THSD7B: variants seen among roughly 807,000 people sequenced by gnomAD.
THSD7B encodes thrombospondin type-1 domain-containing protein 7B.
In THSD7B, 138 loss-of-function variants were observed where a neutral mutation model predicts 213.6. That is an observed-to-expected ratio of 0.65 (90% CI 0.56 to 0.74). The LOEUF (loss-of-function observed/expected upper bound fraction) is 0.74, where lower values mean the gene tolerates loss of function less well. Among genes scored for constraint, THSD7B ranks in the 30% least tolerant of loss-of-function variants. The probability of loss-of-function intolerance (pLI) is 0.00; values close to 1 mark genes in which losing one functional copy is unlikely to be tolerated. For missense variants in THSD7B, 1,931 were observed against 1,991.5 expected (o/e 0.97, Z 0.58); for synonymous variants, 742 against 687.0 (o/e 1.08, Z -1.25).
intron 12 of THSD7B, among the ~76,000 whole-genome samples, chr2:137,311,634 C>T (rs920840969): frequency 2.0e-5 from 3 of 152,176 alleles, no homozygotes; most frequent in Admixed American, 2.0e-4. Flanking sequence ...ATGATGTTGG[C>T]TGTGGGTTTG....
At chr2:137,454,468 A>G (rs1009326921) in intron 15 of THSD7B, among the ~76,000 whole-genome samples, 2 of 148,652 alleles carry the variant, frequency 1.3e-5, no homozygotes, top group South Asian at 2.1e-4. Flanking sequence ...CTATCTATCT[A>G]TCTATCTATG....
rs145077481 is a variant in THSD7B, at chr2:137,562,075, T to C, written c.3139-1146T>C. On this transcript the variant is annotated intron_variant, in intron 15 of 27. Transcript: ENST00000409968. ...ACCTAACATGCTGACAGTGCTCCAA[T>C]CTTGTTTCTTGATTATCCTATTACA... is the stretch of plus-strand genomic sequence containing the variant. 2.3e-3 allele frequency among the ~76,000 whole-genome samples: 349 copies of C among 152,274 alleles called. 3 individuals carry two copies. The highest frequency in any genetic ancestry group is 7.1e-3 in the African/African-American group (297 of 41,578).
rs116214515 is a variant in THSD7B at position 136,916,912 on chromosome 2, A to C, written c.139+34595A>C. Among the ~76,000 whole-genome samples the C allele has an allele frequency of 8.0e-3, 1,219 of 152,314 alleles. 20 individuals carry two copies. The highest frequency in any genetic ancestry group is 0.028 in the African/African-American group (1,165 of 41,560). ...TAGTCTTGGCATTGAACTTCTTTGA[A>C]TAGACCTCTGGATCCTATTTCTAAA... On this transcript the variant is annotated intron_variant, in intron 2 of 27. Transcript: ENST00000409968.
At chr2:137,300,400 A>G (rs1683571595) in intron 12 of THSD7B, among the ~76,000 whole-genome samples, 1 of 152,114 alleles carries the variant, frequency 6.6e-6, no homozygotes, top group Non-Finnish European at 1.5e-5. Flanking sequence ...TTTGAATGAT[A>G]ATTGTATGAT....
intron 5 of THSD7B, among the ~76,000 whole-genome samples, chr2:137,119,058 G>A (rs1018359939): frequency 6.6e-6 from 1 of 152,108 alleles, no homozygotes; most frequent in Non-Finnish European, 1.5e-5. Flanking sequence ...AATTATGGGA[G>A]GTATAATTCA....
intron 12 of THSD7B, among the ~76,000 whole-genome samples, chr2:137,284,913 G>T (rs1683131861): frequency 1.3e-5 from 2 of 152,086 alleles, no homozygotes; most frequent in Non-Finnish European, 2.9e-5. Flanking sequence ...ATGTCTATTA[G>T]GTCCACTTTG....
intron 3 of THSD7B, among the ~76,000 whole-genome samples, chr2:137,092,508 A>G (rs1173062456): frequency 6.6e-6 from 1 of 152,180 alleles, no homozygotes; most frequent in Non-Finnish European, 1.5e-5. Flanking sequence ...TCAATGGCTT[A>G]ATGGGGGGTA....
rs1268161562 is a variant in THSD7B at position 136,925,105 on chromosome 2, AT to A, written c.139+42789del. ...ATCTTTAGGCTTTTCCACACACACA[AT>A]GAGGTCATCTACAAGCAGAAATAAT... On this transcript the variant is annotated intron_variant, in intron 2 of 27. Coordinates refer to ENST00000409968, the MANE Select transcript of THSD7B (RefSeq NM_001316349.2). 2.0e-5 allele frequency among the ~76,000 whole-genome samples: 3 copies of A among 152,114 alleles called. 1 individual carries two copies. Among genetic ancestry groups the A allele is most frequent in the African/African-American group, 4.8e-5 (2 of 41,424 alleles).
chr2:137,115,097 T>A, intron 4 of THSD7B, 27 bp from the exon 5 acceptor site: 1 of 1,613,688 alleles, frequency 6.2e-7, no homozygotes. Context: ...CTTCTTCTTC[T>A]TCTTTTAAAT....
intron 10 of THSD7B, among the ~76,000 whole-genome samples, chr2:137,259,545 TA>T (rs1682391635): frequency 6.6e-6 from 1 of 152,208 alleles, no homozygotes; most frequent in Non-Finnish European, 1.5e-5. Flanking sequence ...TTTTTTCTTG[TA>T]AATTTGTTTA....
chr2:137,659,601 T>A (rs755613131), intron 24 of THSD7B, 63 bp from the exon 25 acceptor site: 157 of 1,471,872 alleles, frequency 1.1e-4, no homozygotes, highest in Non-Finnish European at 1.4e-4. Context: ...TAAAAAAAAA[T>A]ACCAAAAAAT....
chr2:137,114,234 T>G (rs1688403880), intron 4 of THSD7B, among the ~76,000 whole-genome samples: 1 of 152,244 alleles, frequency 6.6e-6, no homozygotes, highest in South Asian at 2.1e-4. Context: ...GCTTTGTTTA[T>G]TGTTCAGAAT....
intron 12 of THSD7B, among the ~76,000 whole-genome samples, chr2:137,351,239 T>C (rs148281569): frequency 0.014 from 2,139 of 151,978 alleles, 53 homozygotes; most frequent in African/African-American, 0.049. Flanking sequence ...TTTAATAATA[T>C]AAGCTTAATA....
chr2:136,861,274 CT>C (rs1238571617), intron 1 of THSD7B, among the ~76,000 whole-genome samples: 1 of 152,122 alleles, frequency 6.6e-6, no homozygotes, highest in African/African-American at 2.4e-5. Context: ...AGTGGTTTGC[CT>C]TCTATAATGA....
chr2:137,225,053 A>T (rs1003915509), intron 7 of THSD7B, among the ~76,000 whole-genome samples: 1 of 151,752 alleles, frequency 6.6e-6, no homozygotes, highest in Non-Finnish European at 1.5e-5. Flanking sequence ...CTTTACTTCT[A>T]TCAGTTCTTA....
At chr2:137,619,775 CA>C (rs1682480962) in intron 19 of THSD7B, among the ~76,000 whole-genome samples, 1 of 152,060 alleles carries the variant, frequency 6.6e-6, no homozygotes, top group Non-Finnish European at 1.5e-5. Flanking sequence ...AAATTATTAA[CA>C]AAACTAGAAT....
rs189395396 is a variant in THSD7B at position 136,854,888 on chromosome 2, T to A, written c.-35-27256T>A. ...TGTAGCGTCTCTCTCCCCCATGTTT[T>A]CCTATAAGCCATTGCCCCAGGTGAT... is the stretch of plus-strand genomic sequence containing the variant. On this transcript the variant is annotated intron_variant, in intron 1 of 27. Coordinates refer to ENST00000409968, the MANE Select transcript of THSD7B (RefSeq NM_001316349.2). 4.6e-5 allele frequency among the ~76,000 whole-genome samples: 7 copies of A among 152,200 alleles called. No individual in the cohort carries two copies. The East Asian group carries it at 1.2e-3, about 25-fold the overall frequency.
intron 2 of THSD7B, among the ~76,000 whole-genome samples, chr2:137,054,528 T>C (rs1369532709): frequency 6.6e-6 from 1 of 152,224 alleles, no homozygotes; most frequent in African/African-American, 2.4e-5. Context: ...TCTCTGGGGA[T>C]GTATATGTTT....
intron 2 of THSD7B, among the ~76,000 whole-genome samples, chr2:137,053,733 A>G (rs1167541357): frequency 6.6e-6 from 1 of 152,114 alleles, no homozygotes; most frequent in African/African-American, 2.4e-5. Context: ...AATCCATGCA[A>G]AAAAAATCCT....
Sources: gnomAD v4.1 joint callset for allele counts (sites outside exome capture counted in the v4.1 genomes callset) on GRCh38, gnomAD v4.1.1 for gene constraint, MANE v1.5 for transcripts, NCBI Gene and HGNC (gene_info 2026-07-23, HGNC 2026-07-21) for gene names.